Variants in MAP3K4 observed in about 807,000 individuals in gnomAD.
The protein encoded by MAP3K4 is mitogen-activated protein kinase kinase kinase 4.
A neutral mutation model predicts 185.6 loss-of-function variants in MAP3K4; 67 were observed. That is an observed-to-expected ratio of 0.36 (90% CI 0.30 to 0.44). The LOEUF (loss-of-function observed/expected upper bound fraction) is 0.44. Ranked by LOEUF, MAP3K4 falls within the 20% of genes least tolerant of loss-of-function variation. The probability of loss-of-function intolerance (pLI) is 1.00; values close to 1 mark genes in which losing one functional copy is unlikely to be tolerated. For missense variants in MAP3K4, 1,551 were observed against 1,995.1 expected, an observed-to-expected ratio of 0.78 and a Z score of 4.24; for synonymous variants, 702 against 710.4, an observed-to-expected ratio of 0.99 and a Z score of 0.19.
rs969124374 is a variant in MAP3K4, at chr6:161,063,939, C to A, written c.1708-6669C>A. Among the ~76,000 whole-genome samples, 1 of 152,132 alleles carries A rather than the reference C, an allele frequency of 6.6e-6. No homozygotes were observed. The highest frequency in any genetic ancestry group is 2.4e-5 in the African/African-American group (1 of 41,402). On this transcript the variant is annotated intron_variant, in intron 3 of 26. Coordinates refer to ENST00000392142, the MANE Select transcript of MAP3K4 (RefSeq NM_005922.4). The surrounding 1 kb of genome is among the most constrained non-coding windows in gnomAD (Gnocchi z 5.4). ...GGCTCTTGGAACTGTTCATGGTTTT[C>A]CCACCACCTCTTCTCTTTGGGGAGT... is the stretch of plus-strand genomic sequence containing the variant.
At position 161,008,677 on chromosome 6, in the gene MAP3K4, A is replaced by G. The variant is rs1002850397; in HGVS notation, c.152+16594A>G. Among the ~76,000 whole-genome samples, 3 of 152,216 alleles carry G rather than the reference A, an allele frequency of 2.0e-5. No homozygotes were observed. Among genetic ancestry groups the G allele is most frequent in the Non-Finnish European group, 2.9e-5 (2 of 68,040 alleles). ...ATTGTTCAAAAGCAAATACAGTGTT[A>G]TAAAGTTTACCTAAGTGAAGAAATA... On this transcript the variant is annotated intron_variant, in intron 1 of 26. Transcript: ENST00000392142. The surrounding 1 kb of genome is among the most constrained non-coding windows in gnomAD (Gnocchi z 4.1).
intron 4 of MAP3K4, among the ~76,000 whole-genome samples, chr6:161,072,889 T>A (rs1215918042): frequency 2.6e-5 from 4 of 152,142 alleles, no homozygotes; most frequent in Admixed American, 2.0e-4. Context: ...AATTTGCCCA[T>A]TTTTTGTTTT....
intron 1 of MAP3K4, among the ~76,000 whole-genome samples, chr6:161,005,806 G>A (rs901241325): frequency 6.6e-6 from 1 of 151,688 alleles, no homozygotes; most frequent in Admixed American, 6.6e-5. Context: ...TTTGTTTTTT[G>A]AGACAGAGTC....
chr6:161,085,864 GAGA>G (rs2114852994), intron 7 of MAP3K4, among the ~76,000 whole-genome samples: 1 of 152,304 alleles, frequency 6.6e-6, no homozygotes, highest in South Asian at 2.1e-4. Flanking sequence ...CTCCCGGCTT[GAGA>G]GAGCTGATCA....
rs1778247724 is a variant in MAP3K4, at chr6:161,109,417, T to A, written c.4237-338T>A. 6.6e-6 allele frequency among the ~76,000 whole-genome samples: 1 copy of A among 152,254 alleles called. No homozygotes were observed. The highest frequency in any genetic ancestry group is 1.5e-5 in the Non-Finnish European group (1 of 68,044). ...GTTTAAAAAGGATGTGTTTCAGTAC[T>A]TAATAATGTATTTGTAGGGACAGCC... On this transcript the variant is annotated intron_variant, in intron 22 of 26. Coordinates refer to ENST00000392142, the MANE Select transcript of MAP3K4 (RefSeq NM_005922.4). The surrounding 1 kb of genome is among the most constrained non-coding windows in gnomAD (Gnocchi z 5.7).
chr6:161,021,635 A>G (rs1782394634), intron 1 of MAP3K4, among the ~76,000 whole-genome samples: 3 of 152,310 alleles, frequency 2.0e-5, no homozygotes, highest in South Asian at 2.1e-4. Context: ...ATCTTCCTCC[A>G]TAGCATAATT....
chr6:161,090,488 C>T (rs111850924), intron 11 of MAP3K4, among the ~76,000 whole-genome samples: 1 of 136,140 alleles, frequency 7.3e-6, no homozygotes, highest in Non-Finnish European at 1.5e-5. Context: ...TGGATGTGGA[C>T]GTTTGGGCCC....
chr6:161,000,192 T>C (rs985877122), intron 1 of MAP3K4, among the ~76,000 whole-genome samples: 4 of 152,206 alleles, frequency 2.6e-5, no homozygotes, highest in African/African-American at 9.7e-5. Context: ...CTCAAATAAT[T>C]CTTATTCTGT....
rs1783088574 is a variant in MAP3K4, at chr6:161,034,806, A to G, written c.343+357A>G. On this transcript the variant is annotated intron_variant, in intron 2 of 26. Coordinates refer to ENST00000392142, the MANE Select transcript of MAP3K4 (RefSeq NM_005922.4). The surrounding 1 kb of genome is among the most constrained non-coding windows in gnomAD (Gnocchi z 4.4). ...TGAAGTTTCTAGATTTCCTCTGCCCAGAAGTGGTGTATTGGGGATTTGAGG... is the reference window on the plus strand; with the variant it reads ...TGAAGTTTCTAGATTTCCTCTGCCCGGAAGTGGTGTATTGGGGATTTGAGG... 6.6e-6 allele frequency among the ~76,000 whole-genome samples: 1 copy of G among 152,126 alleles called. No individual in the cohort carries two copies. The highest frequency in any genetic ancestry group is 1.5e-5 in the Non-Finnish European group (1 of 68,022).
intron 1 of MAP3K4, among the ~76,000 whole-genome samples, chr6:161,001,907 A>G (rs1466665541): frequency 6.6e-6 from 1 of 152,164 alleles, no homozygotes; most frequent in Non-Finnish European, 1.5e-5. Flanking sequence ...CTTAAGGTAA[A>G]AGAGGCAAAT....
chr6:161,093,527 CTTGTACACGTT>C lies in MAP3K4; in HGVS notation c.3349-245_3349-235del, dbSNP rs1365666895. Among the ~76,000 whole-genome samples the C allele has an allele frequency of 2.0e-5, 3 of 152,106 alleles. No homozygotes were observed. The highest frequency in any genetic ancestry group is 4.4e-5 in the Non-Finnish European group (3 of 68,020). ...AGACGATTACATGAAAAGTTCTTTG[CTTGTACACGTT>C]ATTGTGTTATGGGAAATTGACAGCT... On this transcript the variant is annotated intron_variant, in intron 14 of 26. Transcript: ENST00000392142. The surrounding 1 kb of genome is among the most constrained non-coding windows in gnomAD (Gnocchi z 5.2).
intron 1 of MAP3K4, among the ~76,000 whole-genome samples, chr6:161,026,592 A>T (rs1583131063): frequency 4.6e-5 from 7 of 152,306 alleles, no homozygotes; most frequent in African/African-American, 1.4e-4. Flanking sequence ...GCACCCCTGC[A>T]ATATGTCTTA....
rs1185007578 is a variant in MAP3K4, at chr6:161,007,115, T to G, written c.152+15032T>G. On this transcript the variant is annotated intron_variant, in intron 1 of 26. Coordinates refer to ENST00000392142, the MANE Select transcript of MAP3K4 (RefSeq NM_005922.4). The surrounding 1 kb of genome is among the most constrained non-coding windows in gnomAD (Gnocchi z 4.5). ...GCGCAGGACCAGGAATTGTACTCATTGTTGTGTCCCCAGGTCACAGACCAG... is the reference window on the plus strand; with the variant it reads ...GCGCAGGACCAGGAATTGTACTCATGGTTGTGTCCCCAGGTCACAGACCAG... 6.6e-6 allele frequency among the ~76,000 whole-genome samples: 1 copy of G among 152,216 alleles called. No individual in the cohort carries two copies. The highest frequency in any genetic ancestry group is 1.5e-5 in the Non-Finnish European group (1 of 68,042).
chr6:161,110,917 C>T lies in MAP3K4; in HGVS notation c.4397-919C>T, dbSNP rs1778317683. On this transcript the variant is annotated intron_variant, in intron 23 of 26. Transcript: ENST00000392142. The surrounding 1 kb of genome is among the most constrained non-coding windows in gnomAD (Gnocchi z 4.8). ...AGACACCATCCTCAGTCTCTGTCCA[C>T]TGTCACAAAATGGTGTTTGCACGTT... 6.6e-6 allele frequency among the ~76,000 whole-genome samples: 1 copy of T among 152,224 alleles called. No individual in the cohort carries two copies. Among genetic ancestry groups the T allele is most frequent in the Non-Finnish European group, 1.5e-5 (1 of 68,040 alleles).
chr6:161,034,306 A>T lies in MAP3K4; in HGVS notation c.200A>T (p.Asp67Val), dbSNP rs201521742. 1.8e-5 allele frequency: 29 copies of T among 1,614,040 alleles called. No individual in the cohort carries two copies. In the East Asian group the frequency reaches 6.5e-4, roughly 36 times the overall value. The change falls in exon 2 of 27, where the codon GAT becomes GTT. Residue 67 changes from aspartate (D) to valine (V), a missense_variant. By Grantham distance (152) the Asp-to-Val change is radical. Around this residue, in one of 16 missense-constraint regions of MAP3K4, gnomAD observed 287 missense variants for 268.8 expected, o/e 1.07. Transcript: ENST00000392142. The surrounding 1 kb of genome is among the most constrained non-coding windows in gnomAD (Gnocchi z 4.4). Reference protein sequence around the residue: ...GDSACKSPESDLEDFSDETNT... With the variant: ...GDSACKSPESVLEDFSDETNT... ...TCAGCTTGCAAGAGTCCTGAATCTG[A>T]TCTAGAAGACTTCTCCGATGAAACA... is the stretch of plus-strand genomic sequence containing the variant.
In MAP3K4 at chr6:161,073,720, T is replaced by G. The variant is rs1583197622; in HGVS notation, c.2097+108T>G. On this transcript the variant is annotated intron_variant, in intron 5 of 26. Coordinates refer to ENST00000392142, the MANE Select transcript of MAP3K4 (RefSeq NM_005922.4). The surrounding 1 kb of genome is among the most constrained non-coding windows in gnomAD (Gnocchi z 4.2). Reference sequence around the variant, plus strand: ...AACAGCGTTGGCATACATATTCAGATAAACTTCTCTAGTAATGAATTATAG... The same window carrying G: ...AACAGCGTTGGCATACATATTCAGAGAAACTTCTCTAGTAATGAATTATAG... 2 of 1,105,698 alleles carry G rather than the reference T, an allele frequency of 1.8e-6. No individual in the cohort carries two copies. The highest frequency in any genetic ancestry group is 5.2e-5 in the East Asian group (2 of 38,424). 68.5% of individuals were successfully genotyped at this position (1,105,698 alleles called of 1,614,324 possible).
rs960743612 is a variant in MAP3K4 at position 161,093,613 on chromosome 6, C to G, written c.3349-160C>G. Among the ~76,000 whole-genome samples the G allele has an allele frequency of 6.6e-6, 1 of 152,204 alleles. No individual in the cohort carries two copies. The highest frequency in any genetic ancestry group is 6.5e-5 in the Admixed American group (1 of 15,288). On this transcript the variant is annotated intron_variant, in intron 14 of 26. Transcript: ENST00000392142. The surrounding 1 kb of genome is among the most constrained non-coding windows in gnomAD (Gnocchi z 5.2). ...AAATACACTGTATTATTTTAAATTA[C>G]ATACAATTTGTGTTTATACCTATTT... is the stretch of plus-strand genomic sequence containing the variant.
At chr6:161,042,764 C>T (rs1783537797) in intron 2 of MAP3K4, among the ~76,000 whole-genome samples, 1 of 152,126 alleles carries the variant, frequency 6.6e-6, no homozygotes, top group Non-Finnish European at 1.5e-5. Context: ...ACACCCAAGC[C>T]AAAACCCTTT....
At position 161,111,949 on chromosome 6, in the gene MAP3K4, G is replaced by A. The variant is rs1778368265; in HGVS notation, c.4510G>A (p.Gly1504Arg). 6.2e-7 allele frequency: 1 copy of A among 1,613,866 alleles called. No homozygotes were observed. Reference protein sequence around the residue: ...TMPGEVNSTLGTAAYMAPEVI... With the variant: ...TMPGEVNSTLRTAAYMAPEVI... ...GCCTGGTGAAGTGAACAGCACCCTGGGGACAGCAGGTAGGGACCAGCCTGG... is the reference window on the plus strand; with the variant it reads ...GCCTGGTGAAGTGAACAGCACCCTGAGGACAGCAGGTAGGGACCAGCCTGG... The change falls in exon 24 of 27, where the codon GGG becomes AGG. Residue 1504 changes from glycine (G) to arginine (R), a missense_variant. Physicochemically the swap from Gly to Arg is moderately radical, Grantham distance 125. This residue lies in a region of MAP3K4 where 159 missense variants were observed against 300.5 expected (regional missense o/e 0.53). Transcript: ENST00000392142.
Sources: gnomAD v4.1 joint callset for allele counts (sites outside exome capture counted in the v4.1 genomes callset) on GRCh38, gnomAD v4.1.1 for gene constraint, gnomAD v4.1.1 regional missense constraint, Gnocchi (gnomAD v3.1) non-coding constraint, MANE v1.5 for transcripts, NCBI Gene and HGNC (gene_info 2026-07-23, HGNC 2026-07-21) for gene names.